Variants in CNTN5 observed in about 807,000 individuals in gnomAD.
CNTN5 encodes contactin-5.
In CNTN5, 77 loss-of-function variants were observed where a neutral mutation model predicts 129.1. The observed-to-expected ratio is 0.60, with a 90% CI of 0.50 to 0.72. The LOEUF (loss-of-function observed/expected upper bound fraction) is 0.72. Ranked by LOEUF, CNTN5 falls within the 30% of genes least tolerant of loss-of-function variation. The pLI, the probability that CNTN5 is intolerant of heterozygous loss-of-function variation, is 0.00. For missense variants in CNTN5, 1,478 were observed against 1,328.8 expected, an observed-to-expected ratio of 1.11 and a Z score of -1.75; for synonymous variants, 509 against 465.6, an observed-to-expected ratio of 1.09 and a Z score of -1.20.
At chr11:99,768,535 A>G (rs1944835366) in intron 3 of CNTN5, among the ~76,000 whole-genome samples, 1 of 152,142 alleles carries the variant, frequency 6.6e-6, no homozygotes, top group Admixed American at 6.6e-5. Flanking sequence ...TCTTTAGTCT[A>G]TAATTCTCCT....
At chr11:99,168,606 A>T (rs895965201) in intron 1 of CNTN5, among the ~76,000 whole-genome samples, 1 of 152,126 alleles carries the variant, frequency 6.6e-6, no homozygotes, top group African/African-American at 2.4e-5. Context: ...AAACAAAAGG[A>T]TAGGAAATGT....
In CNTN5 at chr11:100,024,766, A is replaced by C. The variant is rs780087574; in HGVS notation, c.980+22630A>C. ...ACTTTGAACCTGAGAGAGATGTTTT[A>C]GAGTGTCTGGCAGAAGAAATTTCTA... On this transcript the variant is annotated intron_variant, in intron 9 of 24. Transcript: ENST00000524871. Among the ~76,000 whole-genome samples the C allele has an allele frequency of 1.1e-4, 17 of 152,220 alleles. 1 individual carries two copies. The highest frequency in any genetic ancestry group is 2.1e-4 in the Non-Finnish European group (14 of 68,038).
intron 7 of CNTN5, among the ~76,000 whole-genome samples, chr11:99,932,763 A>G (rs1275389009): frequency 6.6e-6 from 1 of 152,144 alleles, no homozygotes; most frequent in African/African-American, 2.4e-5. Context: ...GATGATGATG[A>G]TGATGCCCTC....
intron 1 of CNTN5, among the ~76,000 whole-genome samples, chr11:99,099,623 T>G (rs1403840199): frequency 2.0e-5 from 3 of 152,024 alleles, no homozygotes; most frequent in Non-Finnish European, 4.4e-5. Flanking sequence ...TTATACAATC[T>G]GGTATTGTGT....
At chr11:99,843,443 C>T (rs947829053) in intron 4 of CNTN5, among the ~76,000 whole-genome samples, 3 of 151,920 alleles carry the variant, frequency 2.0e-5, no homozygotes, top group Non-Finnish European at 4.4e-5. Context: ...ACATCTTTTC[C>T]CAGAATTTTT....
chr11:99,687,959 A>G (rs952839062), intron 3 of CNTN5, among the ~76,000 whole-genome samples: 1 of 152,180 alleles, frequency 6.6e-6, no homozygotes, highest in Non-Finnish European at 1.5e-5. Flanking sequence ...AGCATTCTGA[A>G]CTACAGCTTT....
At chr11:99,330,047 G>C (rs1177099372) in intron 2 of CNTN5, among the ~76,000 whole-genome samples, 1 of 150,644 alleles carries the variant, frequency 6.6e-6, no homozygotes, top group Non-Finnish European at 1.5e-5. Flanking sequence ...TTTAACCACC[G>C]AGTGGACTGA....
intron 1 of CNTN5, among the ~76,000 whole-genome samples, chr11:99,272,990 A>G (rs1427110891): frequency 6.6e-6 from 1 of 151,916 alleles, no homozygotes; most frequent in Non-Finnish European, 1.5e-5. Context: ...CATTTCTAAC[A>G]GAGACACTGA....
intron 4 of CNTN5, among the ~76,000 whole-genome samples, chr11:99,824,106 C>T (rs1184457410): frequency 6.6e-6 from 1 of 151,950 alleles, no homozygotes; most frequent in East Asian, 1.9e-4. Context: ...TACATTGTTA[C>T]ATGTCAAATG....
chr11:99,954,353 A>G (rs1203131637), intron 7 of CNTN5, among the ~76,000 whole-genome samples: 3 of 58,482 alleles, frequency 5.1e-5, no homozygotes, highest in East Asian at 5.5e-4. Context: ...AGATAACCAT[A>G]CTGTTAAAAA....
intron 2 of CNTN5, among the ~76,000 whole-genome samples, chr11:99,410,333 A>T (rs1458123760): frequency 6.6e-6 from 1 of 152,208 alleles, no homozygotes; most frequent in African/African-American, 2.4e-5. Context: ...TGACACGGTT[A>T]AGGAAATAGG....
intron 3 of CNTN5, among the ~76,000 whole-genome samples, chr11:99,705,119 A>T (rs145810594): frequency 6.6e-6 from 1 of 151,490 alleles, no homozygotes; most frequent in East Asian, 1.9e-4. Flanking sequence ...TACAGCTGTC[A>T]CCCAGAAGTG....
chr11:99,947,883 AT>A (rs1205018038), intron 7 of CNTN5, among the ~76,000 whole-genome samples: 3 of 152,230 alleles, frequency 2.0e-5, no homozygotes, highest in Admixed American at 6.5e-5. Flanking sequence ...TAGTGAAAAA[AT>A]GTTGAGTGTT....
intron 1 of CNTN5, among the ~76,000 whole-genome samples, chr11:99,324,739 T>C (rs913835264): frequency 2.0e-5 from 3 of 152,154 alleles, no homozygotes; most frequent in Non-Finnish European, 4.4e-5. Context: ...CCTCCCGGGT[T>C]CACACCATTC....
intron 2 of CNTN5, among the ~76,000 whole-genome samples, chr11:99,548,463 G>C (rs1428334703): frequency 1.3e-5 from 2 of 152,180 alleles, no homozygotes; most frequent in Non-Finnish European, 2.9e-5. Flanking sequence ...TTGGACATGA[G>C]CTGACTGGAG....
intron 7 of CNTN5, among the ~76,000 whole-genome samples, chr11:99,938,363 T>A (rs1193952256): frequency 6.6e-6 from 1 of 152,146 alleles, no homozygotes; most frequent in African/African-American, 2.4e-5. Flanking sequence ...AGAGACTGCT[T>A]AGCAAAATAT....
At chr11:99,372,056 A>G (rs532989900) in intron 2 of CNTN5, among the ~76,000 whole-genome samples, 10 of 152,304 alleles carry the variant, frequency 6.6e-5, no homozygotes, top group Admixed American at 3.3e-4. Context: ...AGAAAAATAC[A>G]TTTCTATTTA....
At chr11:100,064,183 T>C (rs1351408424) in intron 10 of CNTN5, among the ~76,000 whole-genome samples, 9 of 152,182 alleles carry the variant, frequency 5.9e-5, no homozygotes, top group Admixed American at 5.9e-4. Context: ...ATCCAAACAG[T>C]CAGTATTCAT....
At chr11:99,382,845 C>CTTTTTTTTTTTTTTTTTTTTTTTT (rs1163660333) in intron 2 of CNTN5, among the ~76,000 whole-genome samples, 6 of 77,046 alleles carry the variant, frequency 7.8e-5, no homozygotes, top group Non-Finnish European at 1.3e-4. Context: ...CTCTAAATAA[C>CTTTTTTTTTTTTTTTTTTTTTTTT]TTTTTTTTTT....
Sources: allele counts gnomAD v4.1 joint callset (sites outside exome capture counted in the v4.1 genomes callset), GRCh38; gene constraint gnomAD v4.1.1; transcripts MANE v1.5; gene names NCBI Gene and HGNC (gene_info 2026-07-23, HGNC 2026-07-21).